Variants in ATIC observed in about 807,000 individuals in gnomAD.
ATIC encodes the protein 5-aminoimidazole-4-carboxamide ribonucleotide formyltransferase/IMP cyclohydrolase.
In ATIC, 64 loss-of-function variants were observed where a neutral mutation model predicts 72.5. The ratio of observed to expected loss-of-function variants is 0.88; its 90% CI spans 0.72 to 1.09. The LOEUF (loss-of-function observed/expected upper bound fraction) is 1.09. Ranked by LOEUF, ATIC falls within the 50% of genes least tolerant of loss-of-function variation. ATIC has a pLI of 0.00. For synonymous variants in ATIC, 281 were observed against 267.1 expected (o/e 1.05, Z -0.51); for missense variants, 787 against 732.4 (o/e 1.07, Z -0.86).
the ATIC span, chr2:215,365,774 G>T: frequency 4.2e-6 from 2 of 481,152 alleles, no homozygotes; most frequent in Non-Finnish European, 3.5e-6. Flanking sequence ...CCCTATAATG[G>T]GCCATTTATT....
chr2:215,348,969 T>TAAA, intron 14 of ATIC, 125 bp from the exon 15 acceptor site: 2 of 695,298 alleles, frequency 2.9e-6, no homozygotes, highest in Non-Finnish European at 4.2e-6. Flanking sequence ...AAAAAAAAAA[T>TAAA]AATAATAATA....
chr2:215,352,933 G>A (rs1225575634), downstream of ATIC, among the ~76,000 whole-genome samples: 1 of 152,084 alleles, frequency 6.6e-6, no homozygotes, highest in Admixed American at 6.5e-5. Context: ...TTGTGCCTCT[G>A]CTCCTTTCTT....
intron 12 of ATIC, among the ~76,000 whole-genome samples, chr2:215,342,476 C>T (rs2053029472): frequency 1.3e-5 from 2 of 152,174 alleles, no homozygotes; most frequent in African/African-American, 4.8e-5. Context: ...AGTTCCACAA[C>T]CATGCCATTG....
chr2:215,314,884 AAG>A (rs1377688484), intron 2 of ATIC, among the ~76,000 whole-genome samples: 2 of 152,212 alleles, frequency 1.3e-5, no homozygotes, highest in African/African-American at 4.8e-5. Context: ...AGGTTATAAT[AAG>A]AGAAAAGCAT....
intron 7 of ATIC, among the ~76,000 whole-genome samples, chr2:215,328,077 T>A (rs746955451): frequency 2.2e-4 from 34 of 151,848 alleles, no homozygotes; most frequent in Non-Finnish European, 4.3e-4. Flanking sequence ...TTTCACCATG[T>A]TGGCCAGGCT....
At chr2:215,328,455 C>T (rs1035983846) in intron 7 of ATIC, among the ~76,000 whole-genome samples, 3 of 152,126 alleles carry the variant, frequency 2.0e-5, no homozygotes, top group Non-Finnish European at 4.4e-5. Context: ...GCTGCTAGCC[C>T]CTCCGCCCTG....
At chr2:215,323,221 A>G (rs2052789068) in intron 4 of ATIC, among the ~76,000 whole-genome samples, 2 of 152,214 alleles carry the variant, frequency 1.3e-5, no homozygotes, top group African/African-American at 4.8e-5. Context: ...CTAGGATTAC[A>G]GGCGTGAGCC....
the ATIC span, chr2:215,361,075 T>G: frequency 6.4e-6 from 1 of 156,914 alleles, no homozygotes; most frequent in East Asian, 1.8e-4. Context: ...AGGCAATTAC[T>G]AGGATCATTT....
At chr2:215,362,253 T>C in the ATIC span, 3 of 642,366 alleles carry the variant, frequency 4.7e-6, no homozygotes, top group East Asian at 2.8e-5. Flanking sequence ...TTAATACATT[T>C]TGGCTTATTA....
intron 12 of ATIC, 87 bp downstream of exon 12, chr2:215,338,994 T>C (rs1461724865): frequency 6.3e-7 from 1 of 1,576,524 alleles, no homozygotes; most frequent in African/African-American, 1.3e-5. Context: ...TATTAAGGTC[T>C]GGATTTGGAA....
chr2:215,361,770 A>AC, the ATIC span: 1 of 984,882 alleles, frequency 1.0e-6, no homozygotes, highest in Non-Finnish European at 1.6e-6. Context: ...CTAGCAGCAT[A>AC]CTGGGCAATA....
At chr2:215,345,351 T>G (rs2106040561) in intron 13 of ATIC, 1 of 225,296 alleles carries the variant, frequency 4.4e-6, no homozygotes, top group South Asian at 6.3e-5. Flanking sequence ...AAAAGTTAGG[T>G]TCATTGAGGC....
the ATIC span, among the ~76,000 whole-genome samples, chr2:215,356,027 A>G: frequency 2.0e-5 from 3 of 152,354 alleles, no homozygotes; most frequent in Non-Finnish European, 4.4e-5. Context: ...TTCGAGTCCC[A>G]GTTCTCCTAC....
At chr2:215,359,025 G>A in the ATIC span, among the ~76,000 whole-genome samples, 1 of 152,130 alleles carries the variant, frequency 6.6e-6, no homozygotes, top group Admixed American at 6.5e-5. Context: ...GGGGACCACA[G>A]GCATGTGCCA....
At chr2:215,365,739 A>G in the ATIC span, 1 of 942,726 alleles carries the variant, frequency 1.1e-6, no homozygotes, top group Admixed American at 2.1e-5. Context: ...ATGATCTGGA[A>G]AAATAGCAAG....
At chr2:215,326,736 T>A in intron 6 of ATIC, 86 bp from the exon 7 acceptor site, 1 of 1,503,926 alleles carries the variant, frequency 6.6e-7, no homozygotes, top group Non-Finnish European at 9.2e-7. Flanking sequence ...AGTGAGGAGA[T>A]GTTGTTTGCT....
At chr2:215,328,039 A>G (rs966003941) in intron 7 of ATIC, among the ~76,000 whole-genome samples, 5 of 151,664 alleles carry the variant, frequency 3.3e-5, no homozygotes, top group African/African-American at 1.2e-4. Context: ...ATGCCTGGCT[A>G]GTTTTTCTGT....
chr2:215,343,853 G>A (rs560175258), intron 12 of ATIC, among the ~76,000 whole-genome samples: 3 of 152,300 alleles, frequency 2.0e-5, no homozygotes, highest in South Asian at 2.1e-4. Context: ...GCATACAGAC[G>A]TGGACTATCA....
At chr2:215,313,630 A>T (rs151079519) in intron 2 of ATIC, among the ~76,000 whole-genome samples, 56 of 152,272 alleles carry the variant, frequency 3.7e-4, no homozygotes, top group African/African-American at 1.3e-3. Flanking sequence ...TTTTGTTGCC[A>T]TGTGGAAAAT....
Sources: allele counts gnomAD v4.1 joint callset (sites outside exome capture counted in the v4.1 genomes callset), GRCh38; gene constraint gnomAD v4.1.1; transcripts MANE v1.5; gene names NCBI Gene and HGNC (gene_info 2026-07-23, HGNC 2026-07-21).